Variants in UTS2B observed in about 807,000 individuals in gnomAD.
UTS2B encodes urotensin 2B.
Under a neutral mutation model 19.2 loss-of-function variants are expected in UTS2B, and 21 were observed. The ratio of observed to expected loss-of-function variants is 1.09; its 90% CI spans 0.78 to 1.58. The LOEUF is 1.58. Ranked by LOEUF, UTS2B falls within the 40% of genes most tolerant of loss-of-function variation. UTS2B has a pLI of 0.00. For missense variants in UTS2B, 138 were observed against 130.3 expected, an observed-to-expected ratio of 1.06 and a Z score of -0.29; for synonymous variants, 57 against 50.2, an observed-to-expected ratio of 1.14 and a Z score of -0.58.
At chr3:191,288,827 A>T (rs1320637520) in intron 4 of UTS2B, among the ~76,000 whole-genome samples, 1 of 152,048 alleles carries the variant, frequency 6.6e-6, no homozygotes, top group Non-Finnish European at 1.5e-5. Flanking sequence ...ACTCTATAAA[A>T]CTCCTGCAAA....
chr3:191,312,559 T>C (rs1309278441), intron 3 of UTS2B, among the ~76,000 whole-genome samples: 1 of 152,196 alleles, frequency 6.6e-6, no homozygotes, highest in East Asian at 1.9e-4. Context: ...AATGCCCCTA[T>C]ACAAATCAAT....
At chr3:191,309,173 T>G (rs947967673) in intron 3 of UTS2B, among the ~76,000 whole-genome samples, 20 of 151,458 alleles carry the variant, frequency 1.3e-4, no homozygotes, top group Admixed American at 1.3e-3. Flanking sequence ...GTTTTGTTTG[T>G]TTTTTTTTAA....
intron 5 of UTS2B, among the ~76,000 whole-genome samples, chr3:191,280,422 G>A (rs771616028): frequency 9.9e-5 from 15 of 152,220 alleles, no homozygotes; most frequent in Middle Eastern, 6.8e-3. Context: ...TTTGTAGTCT[G>A]TGTCAGCAGA....
chr3:191,343,476 TTA>T, the UTS2B span, among the ~76,000 whole-genome samples: 36 of 152,350 alleles, frequency 2.4e-4, no homozygotes, highest in African/African-American at 6.7e-4. Flanking sequence ...AGTTATCTCT[TTA>T]TGTTTAATTA....
intron 4 of UTS2B, among the ~76,000 whole-genome samples, chr3:191,290,697 G>A (rs12495014): frequency 0.66 from 99,895 of 152,044 alleles, 32,809 homozygotes; most frequent in African/African-American, 0.67. Context: ...CTCAGTCTAT[G>A]TATCAATTAC....
intron 4 of UTS2B, among the ~76,000 whole-genome samples, chr3:191,291,518 T>C (rs571485145): frequency 6.6e-6 from 1 of 152,188 alleles, no homozygotes; most frequent in African/African-American, 2.4e-5. Context: ...AGTGGCGCCA[T>C]CTCGGCTCAC....
At chr3:191,336,117 C>T in the UTS2B span, among the ~76,000 whole-genome samples, 2 of 150,544 alleles carry the variant, frequency 1.3e-5, no homozygotes, top group Non-Finnish European at 3.0e-5. Context: ...TCACTCTAAA[C>T]ATTTGTGTAC....
At chr3:191,270,281 C>T (rs1384497266) in intron 8 of UTS2B, among the ~76,000 whole-genome samples, 1 of 152,160 alleles carries the variant, frequency 6.6e-6, no homozygotes, top group African/African-American at 2.4e-5. Context: ...ACTGCAACCT[C>T]GAACTCCTTG....
intron 4 of UTS2B, among the ~76,000 whole-genome samples, chr3:191,298,220 T>C (rs560454842): frequency 6.8e-6 from 1 of 146,168 alleles, no homozygotes; most frequent in Non-Finnish European, 1.5e-5. Context: ...GAAAAATGTA[T>C]ACATTGAATT....
chr3:191,317,336 TAGCCCGCAAGC>T (rs1354074896), intron 2 of UTS2B, among the ~76,000 whole-genome samples: 1 of 152,198 alleles, frequency 6.6e-6, no homozygotes, highest in East Asian at 1.9e-4. Context: ...GAACTCGTGC[TAGCCCGCAAGC>T]AGCACGCGCA....
At chr3:191,300,820 C>T (rs1576925968) in intron 4 of UTS2B, among the ~76,000 whole-genome samples, 1 of 152,306 alleles carries the variant, frequency 6.6e-6, no homozygotes, top group African/African-American at 2.4e-5. Context: ...GTAAGATGTG[C>T]CTGCTTTATG....
At chr3:191,301,616 A>T (rs1156417898) in intron 4 of UTS2B, among the ~76,000 whole-genome samples, 2 of 150,962 alleles carry the variant, frequency 1.3e-5, no homozygotes, top group Admixed American at 6.6e-5. Context: ...CCTCCCGAGT[A>T]GCTGGGACCA....
At chr3:191,310,667 G>C (rs1576931044) in intron 3 of UTS2B, among the ~76,000 whole-genome samples, 1 of 151,710 alleles carries the variant, frequency 6.6e-6, no homozygotes, top group East Asian at 1.9e-4. Flanking sequence ...TAACTTATTT[G>C]CTTGCAAGTG....
intron 4 of UTS2B, among the ~76,000 whole-genome samples, chr3:191,295,138 C>G (rs1186406307): frequency 6.6e-6 from 1 of 152,014 alleles, no homozygotes; most frequent in Non-Finnish European, 1.5e-5. Flanking sequence ...CCTACTATGT[C>G]TAGTCTTTCC....
intron 3 of UTS2B, among the ~76,000 whole-genome samples, chr3:191,310,155 G>A (rs573603352): frequency 6.6e-5 from 10 of 151,774 alleles, no homozygotes; most frequent in Non-Finnish European, 1.3e-4. Context: ...TGGTAGAGAT[G>A]GTGTTTCACC....
chr3:191,271,246 A>G (rs1020739905), intron 8 of UTS2B, among the ~76,000 whole-genome samples: 5 of 151,214 alleles, frequency 3.3e-5, no homozygotes, highest in African/African-American at 1.2e-4. Context: ...AAGAACTGAA[A>G]CTCACCAGAT....
chr3:191,287,118 G>A (rs1285637951), intron 4 of UTS2B, among the ~76,000 whole-genome samples: 3 of 152,028 alleles, frequency 2.0e-5, no homozygotes, highest in Non-Finnish European at 4.4e-5. Flanking sequence ...GTAATAAAAA[G>A]TCTCCCATCA....
intron 4 of UTS2B, among the ~76,000 whole-genome samples, chr3:191,286,357 A>G (rs1314295038): frequency 4.0e-5 from 6 of 151,654 alleles, no homozygotes; most frequent in African/African-American, 1.2e-4. Flanking sequence ...AATATTCTCC[A>G]GGATACGTCA....
At chr3:191,275,143 G>T in intron 8 of UTS2B, 109 bp downstream of exon 8, 2 of 754,080 alleles carry the variant, frequency 2.7e-6, no homozygotes, top group Non-Finnish European at 4.4e-6. Context: ...CTTTATATTG[G>T]TCACCACCAT....
Sources: gnomAD v4.1 joint callset for allele counts (sites outside exome capture counted in the v4.1 genomes callset) on GRCh38, gnomAD v4.1.1 for gene constraint, MANE v1.5 for transcripts, NCBI Gene and HGNC (gene_info 2026-07-23, HGNC 2026-07-21) for gene names.